DMGDH: variants seen among roughly 807,000 people sequenced by gnomAD.
DMGDH encodes the protein dimethylglycine dehydrogenase.
Under a neutral mutation model 95.2 loss-of-function variants are expected in DMGDH, and 76 were observed. That is an observed-to-expected ratio of 0.80 (90% CI 0.66 to 0.97). DMGDH has a LOEUF of 0.97. Among genes scored for constraint, DMGDH ranks in the 50% least tolerant of loss-of-function variants. DMGDH has a pLI of 0.00. For missense variants in DMGDH, 987 were observed against 1,055.0 expected (o/e 0.94, Z 0.89); for synonymous variants, 345 against 377.6 (o/e 0.91, Z 1.00).
chr5:79,044,893 TAGTA>T (rs1754626698), intron 5 of DMGDH, among the ~76,000 whole-genome samples: 1 of 152,134 alleles, frequency 6.6e-6, no homozygotes, highest in Non-Finnish European at 1.5e-5. Flanking sequence ...GCACAAATGT[TAGTA>T]AGAAGTACCG....
chr5:79,034,747 G>A (rs1185772690), intron 7 of DMGDH, among the ~76,000 whole-genome samples: 1 of 152,124 alleles, frequency 6.6e-6, no homozygotes, highest in Non-Finnish European at 1.5e-5. Flanking sequence ...ATAAAAATGA[G>A]TGCCTACATT....
rs372373385 is a variant in DMGDH at position 79,005,291 on chromosome 5, G to A, written c.2367C>T (p.Ser789=). ...TDDVDPEGNE[S]IWYNGKVVGN... is the part of the protein sequence containing the mutation. Reference sequence around the variant, plus strand: ...CACTCACCTTGCCATTGTACCAGATGCTTTCATTTCCCTCTGGATCAACAT... The same window carrying A: ...CACTCACCTTGCCATTGTACCAGATACTTTCATTTCCCTCTGGATCAACAT... The change falls in exon 15 of 16, where the codon AGC becomes AGT. Residue 789 remains serine, a synonymous_variant. Transcript: ENST00000255189. The A allele has an allele frequency of 1.2e-5, 19 of 1,613,666 alleles. No individual in the cohort carries two copies. In the African/African-American group the frequency reaches 2.1e-4, roughly 18 times the overall value.
At position 79,028,639 on chromosome 5, in the gene DMGDH, T is replaced by C. The variant is rs371778992; in HGVS notation, c.1826A>G (p.Glu609Gly). ...ATCATATCCACCTTTGACTGCTTCTTCTTCAATCCATCTGCGTTTTAGTCA... is the reference window on the plus strand; with the variant it reads ...ATCATATCCACCTTTGACTGCTTCTCCTTCAATCCATCTGCGTTTTAGTCA... ...SELHDLRWIE[E>G]EAVKGGYDVE... The change falls in exon 12 of 16, where the codon GAA (glutamate) becomes GGA (glycine). Residue 609 changes from glutamate (E) to glycine (G), a missense_variant. Coordinates refer to ENST00000255189, the MANE Select transcript of DMGDH (RefSeq NM_013391.3). The C allele has an allele frequency of 6.2e-7, 1 of 1,614,190 alleles. No individual in the cohort carries two copies. Among genetic ancestry groups the C allele is most frequent in the Non-Finnish European group, 8.5e-7 (1 of 1,180,030 alleles).
chr5:79,038,901 G>A (rs1085392), intron 7 of DMGDH, among the ~76,000 whole-genome samples: 84,437 of 151,384 alleles, frequency 0.56, 23,830 homozygotes, highest in East Asian at 0.78. Context: ...GGCGAAGGAT[G>A]TGAACAGACA....
chr5:79,058,028 T>C (rs545247035), intron 2 of DMGDH, among the ~76,000 whole-genome samples: 3 of 152,232 alleles, frequency 2.0e-5, no homozygotes, highest in Non-Finnish European at 4.4e-5. Context: ...AAACTCTTAC[T>C]GAAGACATTT....
chr5:78,999,380 G>T (rs753112682), intron 15 of DMGDH, among the ~76,000 whole-genome samples: 5 of 152,086 alleles, frequency 3.3e-5, no homozygotes, highest in Non-Finnish European at 7.4e-5. Context: ...ACCCAGGCTG[G>T]AGTGCAGTGG....
chr5:79,061,043 G>A (rs1234352633), intron 2 of DMGDH, among the ~76,000 whole-genome samples: 2 of 151,898 alleles, frequency 1.3e-5, no homozygotes, highest in African/African-American at 4.8e-5. Flanking sequence ...ACAACGTAGG[G>A]AGACCTCATC....
In DMGDH at chr5:79,015,382, C is replaced by T. The variant is rs73130170; in HGVS notation, c.2250+8889G>A. On this transcript the variant is annotated intron_variant, in intron 14 of 15. Coordinates refer to ENST00000255189, the MANE Select transcript of DMGDH (RefSeq NM_013391.3). The stretch of plus-strand genomic sequence containing the variant: ...ATCTCCCAGTCATCAGACGAACTCA[C>T]TTTTAATCTGTTTCCCATCACTAGA... 9.6e-3 allele frequency among the ~76,000 whole-genome samples: 1,469 copies of T among 152,312 alleles called. 33 individuals are homozygous for T. The highest frequency in any genetic ancestry group is 0.034 in the African/African-American group (1,405 of 41,574).
At chr5:79,031,939 C>T (rs1287571715) in intron 9 of DMGDH, among the ~76,000 whole-genome samples, 5 of 152,276 alleles carry the variant, frequency 3.3e-5, no homozygotes, top group Non-Finnish European at 5.9e-5. Context: ...TCATCAACAA[C>T]GGGTTCTCTG....
intron 14 of DMGDH, among the ~76,000 whole-genome samples, chr5:79,012,113 G>A (rs1359382374): frequency 6.6e-6 from 1 of 152,166 alleles, no homozygotes; most frequent in African/African-American, 2.4e-5. Flanking sequence ...CTATGAGCCT[G>A]TAAAATCAAA....
chr5:79,044,849 G>A (rs1270675411), intron 5 of DMGDH, among the ~76,000 whole-genome samples: 2 of 152,116 alleles, frequency 1.3e-5, no homozygotes, highest in African/African-American at 4.8e-5. Context: ...AAATTTATTT[G>A]AAAGAAAAAA....
intron 6 of DMGDH, among the ~76,000 whole-genome samples, chr5:79,043,380 T>C (rs186635841): frequency 6.6e-6 from 1 of 152,294 alleles, no homozygotes; most frequent in African/African-American, 2.4e-5. Flanking sequence ...ACCCTCCCTG[T>C]GGGATCAGGA....
intron 14 of DMGDH, among the ~76,000 whole-genome samples, chr5:79,014,448 T>C (rs944942830): frequency 1.3e-5 from 2 of 152,114 alleles, no homozygotes; most frequent in African/African-American, 2.4e-5. Flanking sequence ...CTCTCTAGAG[T>C]AGAGTGAAGA....
rs536748532 is a variant in DMGDH at position 79,021,614 on chromosome 5, G to C, written c.2250+2657C>G. On this transcript the variant is annotated intron_variant, in intron 14 of 15. Transcript: ENST00000255189. ...ACAAGAACACGATTCACCCTAATAA[G>C]GCCTGATGGCCCATCTGCTCACCCA... 1.2e-5 allele frequency: 16 copies of C among 1,314,822 alleles called. No homozygotes were observed. The South Asian group carries it at 1.8e-4, about 15-fold the overall frequency. 81.4% of individuals were successfully genotyped at this position (1,314,822 alleles called of 1,614,324 possible). A position where few individuals can be genotyped will look rare whatever the true frequency, so the allele number is the denominator to read the frequency against.
intron 14 of DMGDH, among the ~76,000 whole-genome samples, chr5:79,021,851 G>A (rs549683073): frequency 6.6e-6 from 1 of 152,174 alleles, no homozygotes; most frequent in Non-Finnish European, 1.5e-5. Context: ...AAAGTGGTGG[G>A]TGGGAAAGCT....
chr5:79,044,472 A>C lies in DMGDH; in HGVS notation c.826T>G (p.Ser276Ala), dbSNP rs903525426. The C allele has an allele frequency of 6.2e-7, 1 of 1,614,212 alleles. No individual in the cohort carries two copies. The highest frequency in any genetic ancestry group is 8.5e-7 in the Non-Finnish European group (1 of 1,180,032). The stretch of plus-strand genomic sequence containing the variant: ...AAAGCTTTCACTTCAGATATAGTCG[A>C]TGTAACAACATATTGATGTTGAACC... The part of the protein sequence containing the change: ...IPVQHQYVVT[S>A]TISEVKALKR... The change falls in exon 6 of 16, where the codon TCG becomes GCG. Residue 276 changes from serine (S) to alanine (A), a missense_variant. Coordinates refer to ENST00000255189, the MANE Select transcript of DMGDH (RefSeq NM_013391.3).
chr5:79,063,336 C>T (rs372545354), intron 2 of DMGDH, among the ~76,000 whole-genome samples: 3 of 152,240 alleles, frequency 2.0e-5, no homozygotes, highest in African/African-American at 7.2e-5. Flanking sequence ...ATTAAGACAT[C>T]AGAAAATGGA....
rs968511934 is a variant in DMGDH, at chr5:79,009,942, C to A, written c.2251-4535G>T. ...ATGACCCAAGAACAGAAGTATATTT[C>A]TTTAATAAGTCATTGCCAAATTAAC... On this transcript the variant is annotated intron_variant, in intron 14 of 15. Coordinates refer to ENST00000255189, the MANE Select transcript of DMGDH (RefSeq NM_013391.3). Among the ~76,000 whole-genome samples the A allele has an allele frequency of 2.6e-5, 4 of 152,142 alleles. No homozygotes were observed. The East Asian group carries it at 5.8e-4, about 22-fold the overall frequency.
At chr5:79,025,335 G>GTCCT (rs1395913786) in intron 13 of DMGDH, among the ~76,000 whole-genome samples, 1 of 152,144 alleles carries the variant, frequency 6.6e-6, no homozygotes, top group African/African-American at 2.4e-5. Context: ...GGACCGCGCT[G>GTCCT]TCCTCCGTTT....
Sources: allele counts gnomAD v4.1 joint callset (sites outside exome capture counted in the v4.1 genomes callset), GRCh38; gene constraint gnomAD v4.1.1; transcripts MANE v1.5; gene names NCBI Gene and HGNC (gene_info 2026-07-23, HGNC 2026-07-21).